The following SEL1L3 variants were observed in gnomAD, a reference collection of about 807,000 sequenced individuals.
SEL1L3 encodes the protein protein sel-1 homolog 3.
Under a neutral mutation model 142.8 loss-of-function variants are expected in SEL1L3, and 76 were observed. That is an observed-to-expected ratio of 0.53 (90% CI 0.44 to 0.64). The LOEUF (loss-of-function observed/expected upper bound fraction) is 0.64. Among genes scored for constraint, SEL1L3 ranks in the 30% least tolerant of loss-of-function variants. SEL1L3 has a pLI of 0.00. For missense variants in SEL1L3, 1,262 were observed against 1,381.7 expected (o/e 0.91, Z 1.37); for synonymous variants, 504 against 519.6 (o/e 0.97, Z 0.41).
At chr4:25,786,199 A>G (rs1285134217) in intron 13 of SEL1L3, among the ~76,000 whole-genome samples, 1 of 152,174 alleles carries the variant, frequency 6.6e-6, no homozygotes, top group Non-Finnish European at 1.5e-5. Context: ...TCTTGGTACC[A>G]TCTTTGCATA....
At chr4:25,722,876 A>G in the SEL1L3 span, among the ~76,000 whole-genome samples, 2 of 152,286 alleles carry the variant, frequency 1.3e-5, no homozygotes, top group African/African-American at 2.4e-5. Flanking sequence ...TGCTTAATCA[A>G]TATATAAATG....
chr4:25,821,890 G>T, intron 7 of SEL1L3, 106 bp downstream of exon 7: 1 of 1,142,304 alleles, frequency 8.8e-7, no homozygotes, highest in Non-Finnish European at 1.2e-6. Context: ...CAGAGGCGAT[G>T]CATGGTCTGG....
chr4:25,802,229 T>C, intron 11 of SEL1L3, 54 bp downstream of exon 11: 4 of 1,516,044 alleles, frequency 2.6e-6, no homozygotes, highest in Non-Finnish European at 3.6e-6. Context: ...AGACACTTCA[T>C]GAAAGCAGGT....
At chr4:25,800,264 T>C (rs1713084685) in intron 11 of SEL1L3, among the ~76,000 whole-genome samples, 1 of 152,216 alleles carries the variant, frequency 6.6e-6, no homozygotes, top group African/African-American at 2.4e-5. Context: ...CAAAAGGACA[T>C]TTAAATCAAC....
At chr4:25,791,771 G>T (rs1712349681) in intron 11 of SEL1L3, among the ~76,000 whole-genome samples, 1 of 152,074 alleles carries the variant, frequency 6.6e-6, no homozygotes, top group Non-Finnish European at 1.5e-5. Flanking sequence ...TAATTTAATG[G>T]GTGTGGTGGT....
intron 9 of SEL1L3, among the ~76,000 whole-genome samples, chr4:25,806,871 T>A (rs1033104115): frequency 1.7e-4 from 25 of 151,262 alleles, no homozygotes; most frequent in African/African-American, 5.9e-4. Flanking sequence ...AAAAAAAAAA[T>A]TCAAACAATG....
chr4:25,749,732 T>C (rs6812722), intron 23 of SEL1L3, among the ~76,000 whole-genome samples: 65 of 152,312 alleles, frequency 4.3e-4, no homozygotes, highest in African/African-American at 1.5e-3. Flanking sequence ...TGGGGGACCA[T>C]TTTCTGTACA....
rs186225176 is a variant in SEL1L3 at position 25,765,650 on chromosome 4, C to A, written c.2846-215G>T. On this transcript the variant is annotated intron_variant, in intron 19 of 23. Coordinates refer to ENST00000399878, the MANE Select transcript of SEL1L3 (RefSeq NM_015187.5). ...TAGACATATTTTTTTTCTTTTTTTT[C>A]TAAATTTTTTGCGATAGGGTCTCCG... Among the ~76,000 whole-genome samples, 84 of 151,188 alleles carry A rather than the reference C, an allele frequency of 5.6e-4. 2 individuals are homozygous for A. The highest frequency in any genetic ancestry group is 5.3e-3 in the Admixed American group (80 of 15,226).
intron 6 of SEL1L3, among the ~76,000 whole-genome samples, chr4:25,823,466 A>T (rs1345111136): frequency 6.6e-6 from 1 of 152,154 alleles, no homozygotes; most frequent in East Asian, 1.9e-4. Flanking sequence ...GTGAGCTGAG[A>T]TTGCGCCACT....
chr4:25,779,239 A>G (rs372428310), intron 15 of SEL1L3, 36 bp from the exon 16 acceptor site: 1 of 1,608,736 alleles, frequency 6.2e-7, no homozygotes, highest in Non-Finnish European at 8.5e-7. Flanking sequence ...GAGTCATCCT[A>G]GCTGGGCTGG....
chr4:25,802,302 T>C lies in SEL1L3; in HGVS notation c.1937A>G (p.His646Arg). ...NIATKTPLDQHTLQGDQAYVE... is the reference protein window; with the variant it reads ...NIATKTPLDQRTLQGDQAYVE... ...TCATACCTGATCTCCTTGCAGTGTG[T>C]GCTGGTCAAGGGGTGTCTTGGTGGC... is the stretch of plus-strand genomic sequence containing the variant. Residue 646 changes from histidine to arginine, a missense_variant, in exon 11 of 24, where the codon CAC (histidine) becomes CGC (arginine). By Grantham distance (29) the His-to-Arg change is conservative. This residue lies in a region of SEL1L3 where 435 missense variants were observed against 559.2 expected (regional missense o/e 0.78). Coordinates refer to ENST00000399878, the MANE Select transcript of SEL1L3 (RefSeq NM_015187.5). The C allele has an allele frequency of 6.2e-7, 1 of 1,613,444 alleles. No homozygotes were observed. The highest frequency in any genetic ancestry group is 1.1e-5 in the South Asian group (1 of 91,006).
chr4:25,769,313 C>T (rs1305014842), intron 17 of SEL1L3, among the ~76,000 whole-genome samples: 1 of 152,114 alleles, frequency 6.6e-6, no homozygotes, highest in Admixed American at 6.5e-5. Flanking sequence ...GACCTTCAGT[C>T]AGACATGCTG....
intron 9 of SEL1L3, among the ~76,000 whole-genome samples, chr4:25,805,567 C>T (rs1255059186): frequency 2.1e-5 from 3 of 145,242 alleles, no homozygotes; most frequent in African/African-American, 7.4e-5. Flanking sequence ...CTTGTTTACA[C>T]AACTGCTTTA....
chr4:25,808,591 T>TA (rs1713762260), intron 9 of SEL1L3, among the ~76,000 whole-genome samples: 2 of 151,948 alleles, frequency 1.3e-5, no homozygotes, highest in African/African-American at 4.8e-5. Flanking sequence ...CTGAAAGGTG[T>TA]AATGCATCCA....
chr4:25,833,834 C>T (rs893962162), intron 3 of SEL1L3, among the ~76,000 whole-genome samples: 1 of 152,182 alleles, frequency 6.6e-6, no homozygotes, highest in Non-Finnish European at 1.5e-5. Context: ...TTCTCTGCCT[C>T]TTTGAGAATC....
In SEL1L3 at chr4:25,833,500, A is replaced by C; in HGVS notation, c.930T>G (p.Phe310Leu). 6.2e-7 allele frequency: 1 copy of C among 1,613,098 alleles called. No individual in the cohort carries two copies. The highest frequency in any genetic ancestry group is 1.3e-5 in the African/African-American group (1 of 75,040). ...TGCCGTACATCTCATTAGAGTCAAC[A>C]AAGTACAGAATCCCACAGAGGTTGG... is the stretch of plus-strand genomic sequence containing the variant. ...CKANLCGILY[F>L]VDSNEMYGTP... The change falls in exon 4 of 24, where the codon TTT becomes TTG. Residue 310 changes from phenylalanine to leucine, a missense_variant. Coordinates refer to ENST00000399878, the MANE Select transcript of SEL1L3 (RefSeq NM_015187.5).
intron 19 of SEL1L3, among the ~76,000 whole-genome samples, chr4:25,767,133 A>T (rs2109138519): frequency 6.6e-6 from 1 of 152,220 alleles, no homozygotes; most frequent in East Asian, 1.9e-4. Flanking sequence ...GTCTACTTAA[A>T]AAATACAAAA....
intron 9 of SEL1L3, among the ~76,000 whole-genome samples, chr4:25,806,038 TTTG>T (rs1358378765): frequency 2.2e-5 from 3 of 135,960 alleles, no homozygotes; most frequent in Non-Finnish European, 3.2e-5. Flanking sequence ...TTTTGTTTTG[TTTG>T]TTTTTTTTTT....
intron 9 of SEL1L3, among the ~76,000 whole-genome samples, chr4:25,808,906 T>C (rs1560318956): frequency 7.0e-6 from 1 of 142,480 alleles, no homozygotes; most frequent in Non-Finnish European, 1.5e-5. Context: ...CTATCTCTAC[T>C]AAAAATACAA....
Sources: gnomAD v4.1 joint callset for allele counts (sites outside exome capture counted in the v4.1 genomes callset) on GRCh38, gnomAD v4.1.1 for gene constraint, gnomAD v4.1.1 regional missense constraint, MANE v1.5 for transcripts, NCBI Gene and HGNC (gene_info 2026-07-23, HGNC 2026-07-21) for gene names.